Variants in MFSD1 observed in about 807,000 individuals in gnomAD.
The protein encoded by MFSD1 is lysosomal dipeptide transporter MFSD1.
In MFSD1, 59 loss-of-function variants were observed where a neutral mutation model predicts 67.1. The observed-to-expected ratio is 0.88, with a 90% CI of 0.71 to 1.09. The LOEUF is 1.09. Among genes scored for constraint, MFSD1 ranks in the 50% least tolerant of loss-of-function variants. MFSD1 has a pLI of 0.00. For missense variants in MFSD1, 552 were observed against 566.1 expected (o/e 0.97, Z 0.25); for synonymous variants, 213 against 200.3 (o/e 1.06, Z -0.54).
In MFSD1 at chr3:158,827,708, G is replaced by C. The variant is rs536829318; in HGVS notation, c.1394+371G>C. ...TGGGATTACAGATGTGAGCCACTGCGCCTGGCCTGGGCTTTGAACTTCTAA... is the reference window on the plus strand; with the variant it reads ...TGGGATTACAGATGTGAGCCACTGCCCCTGGCCTGGGCTTTGAACTTCTAA... On this transcript the variant is annotated intron_variant, in intron 15 of 15. Transcript: ENST00000415822. 9.2e-5 allele frequency among the ~76,000 whole-genome samples: 14 copies of C among 152,126 alleles called. No individual in the cohort carries two copies. The East Asian group carries it at 1.9e-3, about 21-fold the overall frequency.
chr3:158,829,121 T>G lies in MFSD1; in HGVS notation c.*139T>G. ...ATATTTATATCCAAATATACCTATT[T>G]CAAAGTGTATTTGTGAGGCCTGTTT... is the stretch of plus-strand genomic sequence containing the variant. On this transcript the variant is annotated 3_prime_UTR_variant, in exon 16 of 16. Coordinates refer to ENST00000415822, the MANE Select transcript of MFSD1 (RefSeq NM_022736.4). 1 of 699,148 alleles carries G rather than the reference T, an allele frequency of 1.4e-6. No homozygotes were observed. Among genetic ancestry groups the G allele is most frequent in the East Asian group, 3.1e-5 (1 of 32,228 alleles). The allele number at this position is 699,148 out of a possible 1,614,324, so 43.3% of individuals were successfully genotyped here. A position where few individuals can be genotyped will look rare whatever the true frequency, so the allele number is the denominator to read the frequency against.
Position 158,802,255 on chromosome 3 carries a change from G to A in MFSD1, c.103G>A (p.Asp35Asn), listed in dbSNP as rs914537137. 4 of 1,611,326 alleles carry A rather than the reference G, an allele frequency of 2.5e-6. No homozygotes were observed. The highest frequency in any genetic ancestry group is 1.1e-5 in the South Asian group (1 of 90,888). The change falls in exon 1 of 16, where the codon GAC (aspartate) becomes AAC (asparagine). Residue 35 changes from aspartate (D) to asparagine (N), a missense_variant. Coordinates refer to ENST00000415822, the MANE Select transcript of MFSD1 (RefSeq NM_022736.4). Reference protein sequence around the residue: ...AAPGALPALCDPSRLAHRLLV... With the variant: ...AAPGALPALCNPSRLAHRLLV... ...CCCTGGAGCCCTGCCGGCCCTCTGC[G>A]ACCCCAGTCGCCTGGCGCACCGGCT...
intron 13 of MFSD1, chr3:158,825,358 C>T (rs931006059): frequency 3.3e-5 from 5 of 152,248 alleles, no homozygotes; most frequent in African/African-American, 1.2e-4. Flanking sequence ...TGCTGTCTCA[C>T]TGTGTTGCCC....
At chr3:158,814,520 C>T (rs1286875259) in intron 7 of MFSD1, among the ~76,000 whole-genome samples, 2 of 151,912 alleles carry the variant, frequency 1.3e-5, no homozygotes, top group Non-Finnish European at 2.9e-5. Context: ...GGAGTTTCAC[C>T]ATGTTGGCCA....
Position 158,824,162 on chromosome 3 carries a change from C to T in MFSD1, c.1214C>T (p.Ser405Phe), listed in dbSNP as rs1467434790. ...CAGAATCTTGGGTTGGCCATCATTTCCATCATTGCTGGTATGATACTGGAT... is the reference window on the plus strand; with the variant it reads ...CAGAATCTTGGGTTGGCCATCATTTTCATCATTGCTGGTATGATACTGGAT... ...SIQNLGLAIISIIAGMILDSR... is the reference protein window; with the variant it reads ...SIQNLGLAIIFIIAGMILDSR... The change falls in exon 13 of 16, where the codon TCC becomes TTC. Residue 405 changes from serine to phenylalanine, a missense_variant. Ser to Phe is a radical substitution (Grantham distance 155). Transcript: ENST00000415822. 2 of 1,612,530 alleles carry T rather than the reference C, an allele frequency of 1.2e-6. No homozygotes were observed. Among genetic ancestry groups the T allele is most frequent in the South Asian group, 2.2e-5 (2 of 90,996 alleles).
At chr3:158,824,321 T>A in intron 13 of MFSD1, 85 bp downstream of exon 13, 1 of 948,682 alleles carries the variant, frequency 1.1e-6, no homozygotes, top group Non-Finnish European at 1.6e-6. Context: ...CTCCCAGATT[T>A]GCCTAATTCT....
intron 7 of MFSD1, among the ~76,000 whole-genome samples, chr3:158,817,012 C>G (rs1265459393): frequency 2.6e-5 from 4 of 152,124 alleles, no homozygotes; most frequent in Non-Finnish European, 5.9e-5. Flanking sequence ...TGATCTATAT[C>G]TCTGTTTTGG....
At chr3:158,826,868 A>T (rs888543177) in intron 14 of MFSD1, among the ~76,000 whole-genome samples, 2 of 151,842 alleles carry the variant, frequency 1.3e-5, no homozygotes, top group East Asian at 1.9e-4. Flanking sequence ...GGGTCCCCCT[A>T]TGTTGCCCAG....
At chr3:158,802,658 C>A (rs1729518565) in intron 1 of MFSD1, 1 of 543,860 alleles carries the variant, frequency 1.8e-6, no homozygotes, top group Non-Finnish European at 3.4e-6. Flanking sequence ...CACACGTGGT[C>A]GGAGGAAATT....
intron 5 of MFSD1, among the ~76,000 whole-genome samples, chr3:158,808,100 C>T (rs889792483): frequency 1.3e-5 from 2 of 152,028 alleles, no homozygotes; most frequent in African/African-American, 2.4e-5. Flanking sequence ...AAAAAGTAAC[C>T]GTCAGTGAGA....
chr3:158,809,630 C>G (rs1729901291), intron 6 of MFSD1, among the ~76,000 whole-genome samples: 1 of 152,076 alleles, frequency 6.6e-6, no homozygotes, highest in Admixed American at 6.6e-5. Flanking sequence ...TGCAATATTT[C>G]CAGGGATTGC....
At chr3:158,803,140 A>T (rs1022103490) in intron 1 of MFSD1, among the ~76,000 whole-genome samples, 1 of 152,202 alleles carries the variant, frequency 6.6e-6, no homozygotes, top group Non-Finnish European at 1.5e-5. Flanking sequence ...CAGTTTCTTG[A>T]TAATTAGAAA....
rs1308587836 is a variant in MFSD1 at position 158,821,990 on chromosome 3, A to G, written c.927A>G (p.Val309=). 5 of 1,613,516 alleles carry G rather than the reference A, an allele frequency of 3.1e-6. No homozygotes were observed. Among genetic ancestry groups the G allele is most frequent in the East Asian group, 2.2e-5 (1 of 44,866 alleles). Residue 309 remains valine, a synonymous_variant, in exon 11 of 16, where the codon GTA becomes GTG. Transcript: ENST00000415822. ...TTATGTGTTCTCTGGGCAGTGTTGT[A>G]TATGTCATATCAGCTCCCATGTCCC... The part of the protein sequence containing the change: ...SQAASAINSV[V]YVISAPMSPV...
Position 158,827,283 on chromosome 3 carries a change from G to A in MFSD1, c.1340G>A (p.Gly447Glu). The A allele has an allele frequency of 1.3e-6, 2 of 1,548,184 alleles. No individual in the cohort carries two copies. Among genetic ancestry groups the A allele is most frequent in the Non-Finnish European group, 1.7e-6 (2 of 1,147,626 alleles). Residue 447 changes from glycine (G) to glutamate (E), a missense_variant, in exon 15 of 16, where the codon GGG becomes GAG. By Grantham distance (98) the Gly-to-Glu change is moderately conservative (BLOSUM62 -2). Transcript: ENST00000415822. ...LLYLVNRAQGGNLNYSARQRE... is the reference protein window; with the variant it reads ...LLYLVNRAQGENLNYSARQRE... ...TCTATGTTTATTTGTGTTTTAGGTG[G>A]GAACCTAAATTATTCTGCAAGACAA...
chr3:158,817,226 A>G (rs1450177692), intron 7 of MFSD1, among the ~76,000 whole-genome samples: 7 of 152,144 alleles, frequency 4.6e-5, no homozygotes, highest in African/African-American at 7.2e-5. Context: ...CCTATTCAAC[A>G]TAGTGTTGGA....
In MFSD1 at chr3:158,816,183, T is replaced by C. The variant is rs909338301; in HGVS notation, c.652+2116T>C. 3.9e-4 allele frequency among the ~76,000 whole-genome samples: 60 copies of C among 152,142 alleles called. 1 individual carries two copies. Among genetic ancestry groups the C allele is most frequent in the Non-Finnish European group, 7.4e-4 (50 of 68,008 alleles). ...GGTATATACCCAGTAATGGGATGGC[T>C]GGGTCAAATGGTATTTCTAGTTCTA... On this transcript the variant is annotated intron_variant, in intron 7 of 15. Coordinates refer to ENST00000415822, the MANE Select transcript of MFSD1 (RefSeq NM_022736.4).
At chr3:158,823,110 G>A (rs1255977730) in intron 11 of MFSD1, 4 of 275,796 alleles carry the variant, frequency 1.5e-5, no homozygotes, top group Non-Finnish European at 2.9e-5. Flanking sequence ...CTGAAACATT[G>A]GTAAGAACTT....
intron 6 of MFSD1, among the ~76,000 whole-genome samples, chr3:158,811,340 A>G (rs890446830): frequency 6.6e-6 from 1 of 152,216 alleles, no homozygotes; most frequent in Non-Finnish European, 1.5e-5. Context: ...GTTAGGTTAG[A>G]CATGCCTGCC....
intron 7 of MFSD1, among the ~76,000 whole-genome samples, chr3:158,814,361 C>G (rs781156941): frequency 2.0e-5 from 3 of 152,152 alleles, no homozygotes; most frequent in African/African-American, 4.8e-5. Context: ...TGCTCTGTCG[C>G]TCAGGCTGGA....
Sources: gnomAD v4.1 joint callset for allele counts (sites outside exome capture counted in the v4.1 genomes callset) on GRCh38, gnomAD v4.1.1 for gene constraint, MANE v1.5 for transcripts, NCBI Gene and HGNC (gene_info 2026-07-23, HGNC 2026-07-21) for gene names.